Variants in TENM3 observed in about 807,000 individuals in gnomAD.
TENM3 encodes teneurin transmembrane protein 3.
A neutral mutation model predicts 255.1 loss-of-function variants in TENM3; 63 were observed. The ratio of observed to expected loss-of-function variants is 0.25; its 90% CI spans 0.20 to 0.30. The LOEUF (loss-of-function observed/expected upper bound fraction) is 0.30. Among genes scored for constraint, TENM3 ranks in the 10% least tolerant of loss-of-function variants. The pLI is 1.00. For synonymous variants in TENM3, 1,306 were observed against 1,322.3 expected (o/e 0.99, Z 0.27); for missense variants, 2,929 against 3,461.1 (o/e 0.85, Z 3.86).
chr4:182,504,138 A>C (rs1337838741), intron 3 of TENM3, among the ~76,000 whole-genome samples: 1 of 151,894 alleles, frequency 6.6e-6, no homozygotes, highest in Non-Finnish European at 1.5e-5. Flanking sequence ...TGACGCCCGG[A>C]AACTGCTCAA....
chr4:182,133,134 C>T, the TENM3 span, among the ~76,000 whole-genome samples: 5 of 152,140 alleles, frequency 3.3e-5, no homozygotes, highest in African/African-American at 4.8e-5. Flanking sequence ...ATCATAAGGA[C>T]TTTAAATCTG....
chr4:182,710,565 A>C (rs1366496132), intron 12 of TENM3, among the ~76,000 whole-genome samples: 1 of 152,182 alleles, frequency 6.6e-6, no homozygotes, highest in East Asian at 1.9e-4. Context: ...TTTTACATAC[A>C]CAGTACAGAT....
intron 3 of TENM3, among the ~76,000 whole-genome samples, chr4:182,384,667 A>G (rs961590999): frequency 9.2e-5 from 14 of 152,118 alleles, no homozygotes; most frequent in African/African-American, 3.4e-4. Flanking sequence ...CAGAAATACA[A>G]CTTAGCCTCT....
chr4:181,910,079 G>A, the TENM3 span, among the ~76,000 whole-genome samples: 7 of 152,096 alleles, frequency 4.6e-5, no homozygotes, highest in African/African-American at 1.7e-4. Context: ...AGACACATGT[G>A]TAACATAAAG....
chr4:181,919,374 G>GGTGTGTGT, the TENM3 span, among the ~76,000 whole-genome samples: 3,287 of 146,828 alleles, frequency 0.022, 136 homozygotes, highest in African/African-American at 0.076. Flanking sequence ...AAGCAAAGCA[G>GGTGTGTGT]GTGTGTGTGT....
At chr4:181,955,774 C>T in the TENM3 span, among the ~76,000 whole-genome samples, 1 of 152,114 alleles carries the variant, frequency 6.6e-6, no homozygotes, top group African/African-American at 2.4e-5. Flanking sequence ...AGCCATCTTG[C>T]ATAGGGTCAC....
At chr4:182,163,866 G>A (rs1361084281) in intron 1 of TENM3, among the ~76,000 whole-genome samples, 1 of 152,030 alleles carries the variant, frequency 6.6e-6, no homozygotes. Context: ...CAAATACTAG[G>A]GTTCCTCAGA....
At chr4:182,574,871 A>G (rs919397511) in intron 3 of TENM3, among the ~76,000 whole-genome samples, 1 of 152,148 alleles carries the variant, frequency 6.6e-6, no homozygotes, top group Non-Finnish European at 1.5e-5. Context: ...ATATAGCCAT[A>G]TGTTTCCTGT....
the TENM3 span, among the ~76,000 whole-genome samples, chr4:181,579,234 G>A: frequency 2.0e-5 from 3 of 151,998 alleles, no homozygotes; most frequent in East Asian, 3.9e-4. Flanking sequence ...CACTGTGACC[G>A]CCCACATCAG....
chr4:182,201,618 G>A (rs1291830911), intron 1 of TENM3, among the ~76,000 whole-genome samples: 1 of 151,954 alleles, frequency 6.6e-6, no homozygotes, highest in African/African-American at 2.4e-5. Context: ...TGGGGGCAGC[G>A]GCTGGCCAGC....
intron 1 of TENM3, among the ~76,000 whole-genome samples, chr4:182,160,033 C>T (rs796426843): frequency 1.4e-5 from 2 of 138,712 alleles, no homozygotes; most frequent in East Asian, 1.9e-4. Context: ...GACGGAGTCT[C>T]GCTCTGTCGC....
At chr4:181,994,059 A>G in the TENM3 span, among the ~76,000 whole-genome samples, 1 of 152,150 alleles carries the variant, frequency 6.6e-6, no homozygotes, top group East Asian at 1.9e-4. Flanking sequence ...TGATTTTCTC[A>G]GCTTACTTTT....
intron 1 of TENM3, among the ~76,000 whole-genome samples, chr4:182,319,737 A>C (rs982796235): frequency 6.6e-6 from 1 of 152,216 alleles, no homozygotes; most frequent in Admixed American, 6.5e-5. Context: ...GTGTTAAAGA[A>C]CGTACTGATT....
chr4:182,769,566 G>A (rs1405647727), intron 22 of TENM3, among the ~76,000 whole-genome samples: 2 of 142,754 alleles, frequency 1.4e-5, no homozygotes, highest in Non-Finnish European at 3.1e-5. Context: ...GGAGGATCAC[G>A]AGGTCAGGAG....
chr4:182,171,381 TTC>T (rs1458738204), intron 1 of TENM3, among the ~76,000 whole-genome samples: 3 of 152,176 alleles, frequency 2.0e-5, no homozygotes, highest in Non-Finnish European at 2.9e-5. Context: ...AGAAACCTCT[TTC>T]TGTTTTTTTC....
the TENM3 span, among the ~76,000 whole-genome samples, chr4:182,096,148 G>T: frequency 3.4e-5 from 5 of 145,992 alleles, no homozygotes; most frequent in African/African-American, 5.0e-5. Context: ...AAAAAAAGAA[G>T]ATAAGTAAGG....
At chr4:181,580,688 A>AGG in the TENM3 span, among the ~76,000 whole-genome samples, 1 of 152,126 alleles carries the variant, frequency 6.6e-6, no homozygotes, top group African/African-American at 2.4e-5. Flanking sequence ...AAAGAGAGAG[A>AGG]GAGGAGAGAG....
At chr4:181,472,405 A>G in the TENM3 span, among the ~76,000 whole-genome samples, 1 of 152,084 alleles carries the variant, frequency 6.6e-6, no homozygotes, top group African/African-American at 2.4e-5. Context: ...ACATGGGACA[A>G]AGGTATTCCC....
chr4:182,048,821 C>G, the TENM3 span, among the ~76,000 whole-genome samples: 1 of 152,248 alleles, frequency 6.6e-6, no homozygotes, highest in South Asian at 2.1e-4. Flanking sequence ...TGTTGCAACA[C>G]ACTTATTTAA....
Sources: allele counts gnomAD v4.1 joint callset (sites outside exome capture counted in the v4.1 genomes callset), GRCh38; gene constraint gnomAD v4.1.1; transcripts MANE v1.5; gene names NCBI Gene and HGNC (gene_info 2026-07-23, HGNC 2026-07-21).